MGAT1: variants seen among roughly 807,000 people sequenced by gnomAD.
MGAT1 encodes N-glycosyl-oligosaccharide-glycoprotein N-acetylglucosaminyltransferase I.
In MGAT1, 14 loss-of-function variants were observed where a neutral mutation model predicts 31.7. The observed-to-expected ratio is 0.44, with a 90% CI of 0.29 to 0.69. The LOEUF (loss-of-function observed/expected upper bound fraction) is 0.69, where lower values mean the gene tolerates loss of function less well. MGAT1 is among the 30% of genes least tolerant of loss of function. The probability of loss-of-function intolerance (pLI) is 0.12; values close to 1 mark genes in which losing one functional copy is unlikely to be tolerated. For missense variants in MGAT1, 557 were observed against 626.0 expected (o/e 0.89, Z 1.18); for synonymous variants, 338 against 276.0 (o/e 1.22, Z -2.23).
At chr5:180,808,125 T>C (rs908347497) in intron 2 of MGAT1, among the ~76,000 whole-genome samples, 1 of 152,210 alleles carries the variant, frequency 6.6e-6, no homozygotes, top group African/African-American at 2.4e-5. Context: ...CAAACCTGTG[T>C]TCTGTTCCTC....
intron 1 of MGAT1, chr5:180,809,823 T>C (rs1343416041): frequency 1.6e-5 from 2 of 127,712 alleles, no homozygotes. Flanking sequence ...CACACATCCA[T>C]CCACACACAC....
chr5:180,800,205 C>G (rs1401210525), intron 1 of MGAT1, among the ~76,000 whole-genome samples: 1 of 152,242 alleles, frequency 6.6e-6, no homozygotes, highest in South Asian at 2.1e-4. Context: ...CCTCCCTGCC[C>G]TCTGTGCTCA....
chr5:180,810,503 C>G (rs1479356238), intron 1 of MGAT1: 2 of 152,528 alleles, frequency 1.3e-5, no homozygotes, highest in Non-Finnish European at 2.9e-5. Context: ...CGGGAAGAAG[C>G]ACGCATGCGT....
Position 180,792,824 on chromosome 5 carries a change from G to C in MGAT1, c.148C>G (p.Leu50Val). Reference protein sequence around the residue: ...VSALDGDPASLTREVIRLAQD... With the variant: ...VSALDGDPASVTREVIRLAQD... ...GCCAGGCGAATCACTTCCCGGGTGAGGCTGGCGGGGTCGCCATCGAGAGCG... is the reference window on the plus strand; with the variant it reads ...GCCAGGCGAATCACTTCCCGGGTGACGCTGGCGGGGTCGCCATCGAGAGCG... The change falls in exon 2 of 2, where the codon CTC becomes GTC. Residue 50 changes from leucine (L) to valine (V), a missense_variant. Physicochemically the swap from Leu to Val is conservative, Grantham distance 32. Transcript: ENST00000307826. The C allele has an allele frequency of 6.4e-7, 1 of 1,559,388 alleles. No individual in the cohort carries two copies. The highest frequency in any genetic ancestry group is 8.7e-7 in the Non-Finnish European group (1 of 1,152,612).
chr5:180,791,450 A>T lies in MGAT1; in HGVS notation c.*184T>A. 1 of 736,494 alleles carries T rather than the reference A, an allele frequency of 1.4e-6. No individual in the cohort carries two copies. Among genetic ancestry groups the T allele is most frequent in the Non-Finnish European group, 2.2e-6 (1 of 450,086 alleles). The allele number at this position is 736,494 out of a possible 1,614,324, so 45.6% of individuals were successfully genotyped here. On this transcript the variant is annotated 3_prime_UTR_variant, in exon 2 of 2. Transcript: ENST00000307826. ...ACCCTAGAATAGTTCCCCTGATCTG[A>T]CTCCCTTGAGAACGGGAGAATAATC...
upstream of MGAT1, among the ~76,000 whole-genome samples, chr5:180,804,189 G>A (rs565681931): frequency 1.2e-4 from 19 of 152,366 alleles, no homozygotes; most frequent in South Asian, 3.9e-3. Flanking sequence ...GCTCTGCGGA[G>A]TGAGCGTTAT....
At chr5:180,800,421 G>C (rs1770488131) in intron 1 of MGAT1, among the ~76,000 whole-genome samples, 1 of 152,240 alleles carries the variant, frequency 6.6e-6, no homozygotes, top group Non-Finnish European at 1.5e-5. Context: ...CTGAGGCCTT[G>C]CTGAAAGACT....
intron 1 of MGAT1, among the ~76,000 whole-genome samples, chr5:180,814,855 G>A (rs903817525): frequency 4.1e-4 from 62 of 151,716 alleles, no homozygotes; most frequent in African/African-American, 1.4e-3. Context: ...CAGGAGAATC[G>A]CTTGAACCCG....
intron 1 of MGAT1, among the ~76,000 whole-genome samples, chr5:180,794,751 T>C (rs6887410): frequency 0.12 from 18,918 of 152,102 alleles, 1,248 homozygotes; most frequent in East Asian, 0.25. Context: ...GGGCAGATCC[T>C]TCCTAACGTC....
chr5:180,799,230 C>T (rs6885872), intron 1 of MGAT1, among the ~76,000 whole-genome samples: 12,833 of 152,166 alleles, frequency 0.084, 617 homozygotes, highest in East Asian at 0.23. Context: ...TCTGAAACAT[C>T]CCTTTTCAAC....
chr5:180,794,411 T>TTTTATATATATA (rs528893463), intron 1 of MGAT1, among the ~76,000 whole-genome samples: 9,074 of 141,840 alleles, frequency 0.064, 356 homozygotes, highest in East Asian at 0.12. Context: ...TTTTTTTTTA[T>TTTTATATATATA]TATATATATA....
rs1376984164 is a variant in MGAT1 at position 180,785,143 on chromosome 5, G to A, written c.*6491C>T. Reference sequence around the variant, plus strand: ...AACATCTACGTAAATAATAGAACCAGTCTCCTAGATGACACTGCTCCCCAC... The same window carrying A: ...AACATCTACGTAAATAATAGAACCAATCTCCTAGATGACACTGCTCCCCAC... On this transcript the variant is annotated 3_prime_UTR_variant, in exon 2 of 2. Transcript: ENST00000307826. 2 of 152,204 alleles carry A rather than the reference G, an allele frequency of 1.3e-5. No individual in the cohort carries two copies. Among genetic ancestry groups the A allele is most frequent in the Non-Finnish European group, 2.9e-5 (2 of 68,038 alleles). 9.4% of individuals were successfully genotyped at this position (152,204 alleles called of 1,614,324 possible).
chr5:180,806,780 G>A (rs1029845412), upstream of MGAT1, among the ~76,000 whole-genome samples: 5 of 152,212 alleles, frequency 3.3e-5, no homozygotes, highest in Non-Finnish European at 7.3e-5. Context: ...GAAGCATTAC[G>A]CAAATACGCA....
chr5:180,791,421 A>G lies in MGAT1; in HGVS notation c.*213T>C. 3.0e-6 allele frequency: 2 copies of G among 656,002 alleles called. No homozygotes were observed. Among genetic ancestry groups the G allele is most frequent in the Admixed American group, 3.0e-5 (1 of 33,534 alleles). 40.6% of individuals were successfully genotyped at this position (656,002 alleles called of 1,614,324 possible). ...GTGGTTTCCTGCTTAATACCCCGCA[A>G]CATACCCTAGAATAGTTCCCCTGAT... On this transcript the variant is annotated 3_prime_UTR_variant, in exon 2 of 2. Transcript: ENST00000307826.
chr5:180,793,542 G>A (rs1768689115), intron 1 of MGAT1, among the ~76,000 whole-genome samples: 1 of 152,146 alleles, frequency 6.6e-6, no homozygotes, highest in African/African-American at 2.4e-5. Flanking sequence ...GCAAAACGAA[G>A]TTGCCCATCA....
intron 1 of MGAT1, among the ~76,000 whole-genome samples, chr5:180,800,035 C>T (rs538250335): frequency 2.0e-5 from 3 of 152,264 alleles, no homozygotes; most frequent in African/African-American, 4.8e-5. Flanking sequence ...ACTGCAATGG[C>T]GTGAAAGACC....
chr5:180,815,556 T>G (rs558041142), upstream of MGAT1: 1 of 152,438 alleles, frequency 6.6e-6, no homozygotes, highest in South Asian at 2.1e-4. Context: ...AAAGCTTGTC[T>G]CCCGGTTATT....
At chr5:180,800,350 A>C (rs1013847636) in intron 1 of MGAT1, among the ~76,000 whole-genome samples, 7 of 152,196 alleles carry the variant, frequency 4.6e-5, no homozygotes, top group Non-Finnish European at 8.8e-5. Flanking sequence ...CACAGTTTCT[A>C]TTGGTCAGAA....
chr5:180,805,767 G>C (rs1335396852), upstream of MGAT1, among the ~76,000 whole-genome samples: 1 of 151,612 alleles, frequency 6.6e-6, no homozygotes, highest in Non-Finnish European at 1.5e-5. Flanking sequence ...AAAAGTAAAA[G>C]CAAATTTTTT....
Sources: gnomAD v4.1 joint callset for allele counts (sites outside exome capture counted in the v4.1 genomes callset) on GRCh38, gnomAD v4.1.1 for gene constraint, MANE v1.5 for transcripts, NCBI Gene and HGNC (gene_info 2026-07-23, HGNC 2026-07-21) for gene names.